PRKRIP1: variants seen among roughly 807,000 people sequenced by gnomAD.
The protein encoded by PRKRIP1 is PRKR interacting protein 1.
PRKRIP1 carries 29 observed loss-of-function variants against 29.3 expected under a neutral mutation model. The ratio of observed to expected loss-of-function variants is 0.99; its 90% confidence interval spans 0.74 to 1.35. PRKRIP1 has a LOEUF of 1.35. Ranked by LOEUF, PRKRIP1 falls within the 40% of genes most tolerant of loss-of-function variation. The pLI, the probability that PRKRIP1 is intolerant of heterozygous loss-of-function variation, is 0.00. For missense variants in PRKRIP1, 247 were observed against 236.8 expected (o/e 1.04, Z -0.28); for synonymous variants, 90 against 85.1 (o/e 1.06, Z -0.32).
Position 102,396,478 on chromosome 7 carries a change from A to T in PRKRIP1, c.67A>T (p.Ile23Phe). Residue 23 changes from isoleucine (I) to phenylalanine (F), a missense_variant, in exon 1 of 6, where the codon ATC becomes TTC. Physicochemically the swap from Ile to Phe is conservative, Grantham distance 21. Around this residue, in one of 3 missense-constraint regions of PRKRIP1, gnomAD observed 105 missense variants for 80.2 expected, o/e 1.31. Coordinates refer to ENST00000397912, the MANE Select transcript of PRKRIP1 (RefSeq NM_024653.4). ...CAAGAAAGAGCCGCAGACGCTCGTC[A>T]TCCCCAAGAATGCGGCGGAGGAGCA... is the stretch of plus-strand genomic sequence containing the variant. ...RPKKEPQTLV[I>F]PKNAAEEQKL... The T allele has an allele frequency of 6.2e-7, 1 of 1,609,992 alleles. No homozygotes were observed. Among genetic ancestry groups the T allele is most frequent in the Non-Finnish European group, 8.5e-7 (1 of 1,179,144 alleles).
chr7:102,413,610 A>G (rs910725333), intron 5 of PRKRIP1, among the ~76,000 whole-genome samples: 2 of 152,198 alleles, frequency 1.3e-5, no homozygotes, highest in Non-Finnish European at 2.9e-5. Flanking sequence ...TTGTAAATAA[A>G]TATAAGTTAT....
intron 5 of PRKRIP1, among the ~76,000 whole-genome samples, chr7:102,420,492 A>G (rs561305737): frequency 5.3e-5 from 8 of 152,196 alleles, no homozygotes; most frequent in Non-Finnish European, 1.0e-4. Flanking sequence ...CATGAAGCAT[A>G]GTAACTAACA....
intron 5 of PRKRIP1, among the ~76,000 whole-genome samples, chr7:102,411,353 C>T (rs375164689): frequency 1.3e-5 from 2 of 151,624 alleles, no homozygotes; most frequent in African/African-American, 4.8e-5. Context: ...GTGAAGCTGC[C>T]GTGGTTTTTC....
intron 5 of PRKRIP1, among the ~76,000 whole-genome samples, chr7:102,415,783 G>T (rs1407484531): frequency 6.6e-6 from 1 of 152,206 alleles, no homozygotes; most frequent in Non-Finnish European, 1.5e-5. Flanking sequence ...TGGGCAGCAG[G>T]CCAGGGTGTG....
intron 4 of PRKRIP1, among the ~76,000 whole-genome samples, chr7:102,406,305 T>A (rs1306400214): frequency 6.6e-6 from 1 of 152,188 alleles, no homozygotes; most frequent in African/African-American, 2.4e-5. Flanking sequence ...CTTTGGGAAG[T>A]GCTTTGGAGC....
intron 3 of PRKRIP1, among the ~76,000 whole-genome samples, chr7:102,400,776 T>C (rs1796046009): frequency 6.6e-6 from 1 of 152,064 alleles, no homozygotes; most frequent in South Asian, 2.1e-4. Context: ...GCTGGGACTA[T>C]AGGCACAACC....
In PRKRIP1 at chr7:102,414,096, G is replaced by A. The variant is rs189613422; in HGVS notation, c.457+6598G>A. Among the ~76,000 whole-genome samples the A allele has an allele frequency of 5.9e-5, 9 of 152,184 alleles. No homozygotes were observed. The East Asian group carries it at 1.3e-3, about 23-fold the overall frequency. ...ACAAAAATAAGCCGGGCATAATAGC[G>A]TGTACCTGTAATCCCAGCTACTCGG... On this transcript the variant is annotated intron_variant, in intron 5 of 5. Coordinates refer to ENST00000397912, the MANE Select transcript of PRKRIP1 (RefSeq NM_024653.4).
chr7:102,424,432 G>A (rs781836017), intron 5 of PRKRIP1, among the ~76,000 whole-genome samples: 9 of 152,236 alleles, frequency 5.9e-5, no homozygotes, highest in Non-Finnish European at 1.0e-4. Flanking sequence ...GTGAAGAGGG[G>A]GAGGGGAGGA....
Position 102,399,538 on chromosome 7 carries a change from C to G in PRKRIP1, c.206-10C>G, listed in dbSNP as rs782661985. 16 of 1,611,052 alleles carry G rather than the reference C, an allele frequency of 9.9e-6. No homozygotes were observed. Among genetic ancestry groups the G allele is most frequent in the South Asian group, 2.2e-5 (2 of 91,000 alleles). The stretch of plus-strand genomic sequence containing the variant: ...ATTTCATCTAGAACTGTGGACTGTT[C>G]TGGCTACAGGTTCAAGTGCTGGGGC... On this transcript the variant is annotated splice_polypyrimidine_tract_variant and intron_variant, in intron 2 of 5. Coordinates refer to ENST00000397912, the MANE Select transcript of PRKRIP1 (RefSeq NM_024653.4).
At chr7:102,403,183 T>C (rs896427586) in intron 3 of PRKRIP1, among the ~76,000 whole-genome samples, 4 of 152,172 alleles carry the variant, frequency 2.6e-5, no homozygotes, top group African/African-American at 7.2e-5. Context: ...ACTTCACAGC[T>C]CAGCTTCTAA....
intron 5 of PRKRIP1, among the ~76,000 whole-genome samples, chr7:102,409,408 A>G (rs1796314607): frequency 6.6e-6 from 1 of 152,160 alleles, no homozygotes; most frequent in South Asian, 2.1e-4. Context: ...TGGCCCAAGT[A>G]GGAGGATTGG....
chr7:102,397,761 A>G, intron 2 of PRKRIP1, 63 bp downstream of exon 2: 6 of 1,515,578 alleles, frequency 4.0e-6, no homozygotes, highest in Non-Finnish European at 5.5e-6. Context: ...TAAGGTAGCT[A>G]TAGGCTGGGC....
chr7:102,396,401 G>A lies in PRKRIP1; in HGVS notation c.-11G>A, dbSNP rs1722512335. 6.5e-7 allele frequency: 1 copy of A among 1,545,744 alleles called. No individual in the cohort carries two copies. Among genetic ancestry groups the A allele is most frequent in the African/African-American group, 1.4e-5 (1 of 71,382 alleles). On this transcript the variant is annotated 5_prime_UTR_variant, in exon 1 of 6. Transcript: ENST00000397912. ...GACGCCGCCGCTCGCTTGTGAAACT[G>A]GAAGGCTGCCATGGCTAGCCCAGCC...
In PRKRIP1 at chr7:102,399,600, C is replaced by T. The variant is rs1364263147; in HGVS notation, c.258C>T (p.Arg86=). The T allele has an allele frequency of 6.2e-7, 1 of 1,613,984 alleles. No homozygotes were observed. The highest frequency in any genetic ancestry group is 8.5e-7 in the Non-Finnish European group (1 of 1,180,026). ...SGEFHVYRHL[R]RREYQRQDYM... is the part of the protein sequence containing the mutation. ...AGTTCCACGTGTACAGACATCTGCGCCGGAGAGAATATCAGCGACAGGACT... is the reference window on the plus strand; with the variant it reads ...AGTTCCACGTGTACAGACATCTGCGTCGGAGAGAATATCAGCGACAGGACT... Residue 86 remains arginine (R), a synonymous_variant, in exon 3 of 6, where the codon CGC becomes CGT. Transcript: ENST00000397912.
At chr7:102,411,404 A>G (rs550338254) in intron 5 of PRKRIP1, among the ~76,000 whole-genome samples, 1 of 149,414 alleles carries the variant, frequency 6.7e-6, no homozygotes, top group African/African-American at 2.5e-5. Context: ...GTTTGTTTTT[A>G]AGTTGGAGTC....
At chr7:102,413,066 G>A (rs1262144827) in intron 5 of PRKRIP1, among the ~76,000 whole-genome samples, 1 of 152,186 alleles carries the variant, frequency 6.6e-6, no homozygotes, top group African/African-American at 2.4e-5. Context: ...CTTCTCCACA[G>A]TTGCACTACT....
intron 2 of PRKRIP1, 65 bp from the exon 3 acceptor site, chr7:102,399,483 C>T (rs868990314): frequency 7.7e-6 from 10 of 1,301,252 alleles, no homozygotes; most frequent in South Asian, 2.4e-5. Flanking sequence ...TAGTCACCCT[C>T]GATTAAGGGT....
chr7:102,408,912 G>A (rs1796301334), intron 5 of PRKRIP1, among the ~76,000 whole-genome samples: 1 of 152,016 alleles, frequency 6.6e-6, no homozygotes, highest in South Asian at 2.1e-4. Context: ...GGTGGCTCAT[G>A]CCTGTAATCC....
At chr7:102,404,555 G>T in intron 3 of PRKRIP1, 43 bp from the exon 4 acceptor site, 1 of 1,547,982 alleles carries the variant, frequency 6.5e-7, no homozygotes, top group South Asian at 1.1e-5. Context: ...CCCACAGTCT[G>T]CCCAGACCAG....
Sources: allele counts gnomAD v4.1 joint callset (sites outside exome capture counted in the v4.1 genomes callset), GRCh38; gene constraint gnomAD v4.1.1; regional missense constraint gnomAD v4.1.1; transcripts MANE v1.5; gene names NCBI Gene and HGNC (gene_info 2026-07-23, HGNC 2026-07-21).